PPFIBP1: variants seen among roughly 807,000 people sequenced by gnomAD.
The protein encoded by PPFIBP1 is liprin-beta-1.
A neutral mutation model predicts 137.8 loss-of-function variants in PPFIBP1; 112 were observed. The ratio of observed to expected loss-of-function variants is 0.81; its 90% CI spans 0.70 to 0.95. The LOEUF is 0.95. Among genes scored for constraint, PPFIBP1 ranks in the 40% least tolerant of loss-of-function variants. PPFIBP1 has a pLI of 0.00. For missense variants in PPFIBP1, 1,083 were observed against 1,196.6 expected, an observed-to-expected ratio of 0.91 and a Z score of 1.40; for synonymous variants, 378 against 417.3, an observed-to-expected ratio of 0.91 and a Z score of 1.15.
rs1427433950 is a variant in PPFIBP1 at position 27,679,731 on chromosome 12, T to G, written c.1766+92T>G. 3.4e-6 allele frequency: 5 copies of G among 1,455,244 alleles called. No homozygotes were observed. In the African/African-American group the frequency reaches 7.1e-5, roughly 21 times the overall value. The allele number at this position is 1,455,244 out of a possible 1,614,324, so 90.1% of individuals were successfully genotyped here. Reference sequence around the variant, plus strand: ...GGGTATGGACTTTGTAAGGCCTTTGTATTCCTCTTATGGAAGGAAGTTTGG... The same window carrying G: ...GGGTATGGACTTTGTAAGGCCTTTGGATTCCTCTTATGGAAGGAAGTTTGG... On this transcript the variant is annotated intron_variant, in intron 20 of 29. Transcript: ENST00000228425.
chr12:27,665,351 G>A (rs1313516663), intron 12 of PPFIBP1, among the ~76,000 whole-genome samples: 1 of 152,140 alleles, frequency 6.6e-6, no homozygotes, highest in African/African-American at 2.4e-5. Flanking sequence ...ACACAGTGGT[G>A]TAATGAGATA....
chr12:27,540,691 T>G (rs750881975), intron 1 of PPFIBP1, among the ~76,000 whole-genome samples: 2 of 152,258 alleles, frequency 1.3e-5, no homozygotes, highest in Non-Finnish European at 2.9e-5. Flanking sequence ...CTACTAATTT[T>G]TGCTCCTGTT....
chr12:27,671,800 G>GTA (rs1325820825), intron 14 of PPFIBP1, among the ~76,000 whole-genome samples: 6 of 152,216 alleles, frequency 3.9e-5, no homozygotes, highest in African/African-American at 1.4e-4. Context: ...GGCCAAGTGT[G>GTA]GTGGCTCACG....
Position 27,634,689 on chromosome 12 carries a change from T to A in PPFIBP1, c.65-221T>A, listed in dbSNP as rs762648806. Among the ~76,000 whole-genome samples the A allele has an allele frequency of 1.4e-3, 216 of 152,314 alleles. 1 individual carries two copies. Among genetic ancestry groups the A allele is most frequent in the Non-Finnish European group, 1.3e-3 (90 of 68,022 alleles). On this transcript the variant is annotated intron_variant, in intron 3 of 29. Coordinates refer to ENST00000228425, the MANE Select transcript of PPFIBP1 (RefSeq NM_003622.4). ...TTCTTTCTATACCCCATGATTGGCC[T>A]CCTAGTTACGAACTGGACCATGGAT...
intron 1 of PPFIBP1, chr12:27,538,004 T>A (rs898100074): frequency 1.1e-4 from 17 of 152,168 alleles, no homozygotes; most frequent in African/African-American, 4.1e-4. Context: ...TTGCTTTTTT[T>A]AGGAGAAATA....
intron 4 of PPFIBP1, chr12:27,637,032 C>G (rs2057727698): frequency 6.6e-6 from 1 of 151,592 alleles, no homozygotes; most frequent in African/African-American, 2.4e-5. Context: ...TCAGTGAGGC[C>G]TTGTATCACC....
chr12:27,685,366 A>G lies in PPFIBP1; in HGVS notation c.2248-2019A>G, dbSNP rs187442836. ...CTTTTTTACATGTATAAAGGAAGGA[A>G]TCGAGAGGTTGGGTAACTTGGTAAC... On this transcript the variant is annotated intron_variant, in intron 24 of 29. Coordinates refer to ENST00000228425, the MANE Select transcript of PPFIBP1 (RefSeq NM_003622.4). 7.2e-4 allele frequency among the ~76,000 whole-genome samples: 110 copies of G among 152,160 alleles called. 1 individual carries two copies. The highest frequency in any genetic ancestry group is 2.5e-3 in the African/African-American group (104 of 41,546).
At chr12:27,576,961 C>A (rs1170992087) in intron 1 of PPFIBP1, among the ~76,000 whole-genome samples, 4 of 152,102 alleles carry the variant, frequency 2.6e-5, no homozygotes, top group Non-Finnish European at 1.5e-5. Flanking sequence ...TCAGAGCGCA[C>A]CCTAGTCTTA....
chr12:27,589,682 A>ACAGT (rs947856117), intron 2 of PPFIBP1, among the ~76,000 whole-genome samples: 1 of 152,226 alleles, frequency 6.6e-6, no homozygotes, highest in Non-Finnish European at 1.5e-5. Flanking sequence ...TTACTAAAGA[A>ACAGT]CAGTGCATCT....
chr12:27,658,713 T>A, intron 9 of PPFIBP1, 103 bp from the exon 10 acceptor site: 1 of 1,273,328 alleles, frequency 7.9e-7, no homozygotes, highest in Non-Finnish European at 1.1e-6. Flanking sequence ...AGGTTAGATT[T>A]CCGTTATTTT....
chr12:27,643,445 G>T (rs527865591), intron 4 of PPFIBP1, among the ~76,000 whole-genome samples: 1 of 132,618 alleles, frequency 7.5e-6, no homozygotes, highest in South Asian at 2.3e-4. Context: ...TGTAATGAAG[G>T]TTCATGTAGA....
At chr12:27,683,125 G>A (rs981720692) in intron 24 of PPFIBP1, among the ~76,000 whole-genome samples, 2 of 152,236 alleles carry the variant, frequency 1.3e-5, no homozygotes, top group South Asian at 2.1e-4. Flanking sequence ...GTGCAATGAC[G>A]TGATCTCAGC....
intron 1 of PPFIBP1, among the ~76,000 whole-genome samples, chr12:27,527,762 C>T (rs1943940515): frequency 2.0e-5 from 3 of 151,564 alleles, no homozygotes; most frequent in Non-Finnish European, 4.4e-5. Context: ...CATATTAGCT[C>T]CAAAATTAAG....
At chr12:27,647,642 C>CA in intron 5 of PPFIBP1, 87 bp from the exon 6 acceptor site, 2 of 767,930 alleles carry the variant, frequency 2.6e-6, no homozygotes, top group East Asian at 3.0e-5. Flanking sequence ...TAGGATCATT[C>CA]CTTTTTTTGT....
chr12:27,660,733 A>G, intron 10 of PPFIBP1, 151 bp from the exon 11 acceptor site: 1 of 1,180,426 alleles, frequency 8.5e-7, no homozygotes, highest in Non-Finnish European at 1.1e-6. Context: ...CCAAAAGAGA[A>G]TATGGGTGTT....
chr12:27,676,834 A>G, intron 18 of PPFIBP1: 1 of 722,670 alleles, frequency 1.4e-6, no homozygotes. Flanking sequence ...AAAGACCTAA[A>G]ATCATGATTC....
intron 4 of PPFIBP1, among the ~76,000 whole-genome samples, chr12:27,639,002 C>CT (rs1374503620): frequency 6.6e-6 from 1 of 152,134 alleles, no homozygotes; most frequent in African/African-American, 2.4e-5. Context: ...GGGAGATCCC[C>CT]TGGTTTCTTG....
intron 13 of PPFIBP1, among the ~76,000 whole-genome samples, chr12:27,668,804 A>G (rs975841052): frequency 6.6e-6 from 1 of 152,066 alleles, no homozygotes; most frequent in African/African-American, 2.4e-5. Flanking sequence ...GTTCAATGAG[A>G]CCGCACTACT....
In PPFIBP1 at chr12:27,667,232, G is replaced by A. The variant is rs759454869; in HGVS notation, c.1058G>A (p.Gly353Asp). Residue 353 changes from glycine (G) to aspartate (D), a missense_variant, in exon 13 of 30, where the codon GGT becomes GAT. By Grantham distance (94) the Gly-to-Asp change is moderately conservative. Coordinates refer to ENST00000228425, the MANE Select transcript of PPFIBP1 (RefSeq NM_003622.4). ...SSISSLLDAQ[G>D]FSDLEKSPSP... ...ATCTCCTCTTTGCTGGATGCACAGG[G>A]TTTCAGTGATCTGGAGAAAAGTCCA... 1 of 1,613,664 alleles carries A rather than the reference G, an allele frequency of 6.2e-7. No homozygotes were observed. The highest frequency in any genetic ancestry group is 8.5e-7 in the Non-Finnish European group (1 of 1,179,762).
Sources: gnomAD v4.1 joint callset for allele counts (sites outside exome capture counted in the v4.1 genomes callset) on GRCh38, gnomAD v4.1.1 for gene constraint, MANE v1.5 for transcripts, NCBI Gene and HGNC (gene_info 2026-07-23, HGNC 2026-07-21) for gene names.